Variants in PTPRK observed in about 807,000 individuals in gnomAD.
The protein encoded by PTPRK is protein tyrosine phosphatase receptor type K, also known as receptor-type tyrosine-protein phosphatase kappa.
PTPRK carries 75 observed loss-of-function variants against 178.0 expected under a neutral mutation model. That is an observed-to-expected ratio of 0.42 (90% CI 0.35 to 0.51). The LOEUF (loss-of-function observed/expected upper bound fraction) is 0.51, where lower values mean the gene tolerates loss of function less well. Among genes scored for constraint, PTPRK ranks in the 20% least tolerant of loss-of-function variants. PTPRK has a pLI of 0.02. For synonymous variants in PTPRK, 637 were observed against 620.6 expected, an observed-to-expected ratio of 1.03 and a Z score of -0.39; for missense variants, 1,441 against 1,797.8, an observed-to-expected ratio of 0.80 and a Z score of 3.59.
At position 128,322,228 on chromosome 6, in the gene PTPRK, G is replaced by A; in HGVS notation, c.306C>T (p.Asp102=). 1.2e-6 allele frequency: 2 copies of A among 1,613,564 alleles called. No homozygotes were observed. Among genetic ancestry groups the A allele is most frequent in the Non-Finnish European group, 1.7e-6 (2 of 1,179,568 alleles). The change falls in exon 3 of 30, where the codon GAC becomes GAT. Residue 102 remains aspartate, a synonymous_variant. Coordinates refer to ENST00000368226, the MANE Select transcript of PTPRK (RefSeq NM_002844.4). ...RLQLPTMKEN[D]THCIDFSYLL... is the part of the protein sequence containing the mutation. Reference sequence around the variant, plus strand: ...GGTAACTGAAATCAATGCAGTGAGTGTCGTTCTCCTTCATTGTAGGCAGCT... The same window carrying A: ...GGTAACTGAAATCAATGCAGTGAGTATCGTTCTCCTTCATTGTAGGCAGCT...
At chr6:128,009,057 T>C in intron 14 of PTPRK, 73 bp downstream of exon 14, 1 of 1,390,766 alleles carries the variant, frequency 7.2e-7, no homozygotes, top group Non-Finnish European at 9.7e-7. Context: ...TTAAAGGATC[T>C]TGAGAAAAAC....
chr6:127,994,114 T>C (rs1776889727), intron 18 of PTPRK, among the ~76,000 whole-genome samples: 1 of 151,718 alleles, frequency 6.6e-6, no homozygotes, highest in Non-Finnish European at 1.5e-5. Flanking sequence ...TGATCAGAAA[T>C]TGAACTCATA....
chr6:128,123,001 C>A (rs555171133), intron 7 of PTPRK, among the ~76,000 whole-genome samples: 1 of 152,122 alleles, frequency 6.6e-6, no homozygotes, highest in African/African-American at 2.4e-5. Flanking sequence ...CAGAATGGAA[C>A]TTTATTTGGA....
At chr6:128,422,182 G>T (rs1843557792) in intron 1 of PTPRK, among the ~76,000 whole-genome samples, 1 of 152,110 alleles carries the variant, frequency 6.6e-6, no homozygotes. Context: ...GTTATTTCCG[G>T]AATGAATTTA....
At chr6:128,163,880 T>G (rs1055885214) in intron 7 of PTPRK, among the ~76,000 whole-genome samples, 1 of 151,616 alleles carries the variant, frequency 6.6e-6, no homozygotes, top group East Asian at 1.9e-4. Flanking sequence ...TATTGTAGTT[T>G]GTGGACTATT....
At chr6:128,205,500 A>G (rs1448913538) in intron 6 of PTPRK, among the ~76,000 whole-genome samples, 1 of 152,128 alleles carries the variant, frequency 6.6e-6, no homozygotes, top group East Asian at 1.9e-4. Flanking sequence ...CTATAATCCC[A>G]GCATTTTGGG....
At chr6:127,983,423 T>C (rs1253114615) in intron 22 of PTPRK, 46 bp from the exon 23 acceptor site, 1 of 1,590,934 alleles carries the variant, frequency 6.3e-7, no homozygotes, top group Non-Finnish European at 8.6e-7. Context: ...CATGTTAGTC[T>C]TCATAACCTT....
chr6:128,197,186 T>C (rs531293898), intron 6 of PTPRK, among the ~76,000 whole-genome samples: 6 of 148,770 alleles, frequency 4.0e-5, no homozygotes, highest in African/African-American at 1.5e-4. Flanking sequence ...GTTTTTTTCT[T>C]TTTTTTTTTT....
intron 6 of PTPRK, among the ~76,000 whole-genome samples, chr6:128,206,630 T>C (rs1312914954): frequency 6.6e-6 from 1 of 152,140 alleles, no homozygotes; most frequent in African/African-American, 2.4e-5. Context: ...AAAAGAATTA[T>C]GATACATTTT....
intron 7 of PTPRK, among the ~76,000 whole-genome samples, chr6:128,163,500 A>G (rs1394858716): frequency 6.6e-6 from 1 of 151,444 alleles, no homozygotes; most frequent in Non-Finnish European, 1.5e-5. Flanking sequence ...GGTGGCAGAT[A>G]AAATGGAGAA....
intron 13 of PTPRK, among the ~76,000 whole-genome samples, chr6:128,025,838 T>C (rs534096221): frequency 6.6e-6 from 1 of 152,336 alleles, no homozygotes; most frequent in East Asian, 1.9e-4. Flanking sequence ...TTTGCTCTTA[T>C]AAGAATACAT....
chr6:128,111,209 T>A (rs1790601643), intron 7 of PTPRK, among the ~76,000 whole-genome samples: 1 of 152,212 alleles, frequency 6.6e-6, no homozygotes, highest in Non-Finnish European at 1.5e-5. Context: ...TATCATTATA[T>A]CCTAAGTTAA....
At chr6:128,023,433 A>C (rs1349134831) in intron 13 of PTPRK, among the ~76,000 whole-genome samples, 1 of 150,984 alleles carries the variant, frequency 6.6e-6, no homozygotes, top group Non-Finnish European at 1.5e-5. Context: ...AACTTTCTCA[A>C]CTCTCCTTCT....
intron 6 of PTPRK, among the ~76,000 whole-genome samples, chr6:128,185,177 G>A (rs1211183481): frequency 2.6e-5 from 4 of 152,004 alleles, no homozygotes; most frequent in Admixed American, 2.0e-4. Context: ...TAACATAACC[G>A]AACTCAGAAA....
In PTPRK at chr6:128,140,099, A is replaced by G. The variant is rs1437691921; in HGVS notation, c.1162+44333T>C. 3.9e-5 allele frequency among the ~76,000 whole-genome samples: 6 copies of G among 151,978 alleles called. No individual in the cohort carries two copies. In the East Asian group the frequency reaches 1.2e-3, roughly 29 times the overall value. On this transcript the variant is annotated intron_variant, in intron 7 of 29. Transcript: ENST00000368226. ...TGCATCCAGATACACAAGTTGCAAC[A>G]TTGCTTCCAGACTCCTTAGCACTCA...
intron 7 of PTPRK, among the ~76,000 whole-genome samples, chr6:128,167,806 T>G (rs1414928936): frequency 1.3e-5 from 2 of 152,046 alleles, no homozygotes; most frequent in African/African-American, 4.8e-5. Flanking sequence ...ATGATTCACC[T>G]TCTTAATATT....
chr6:127,995,063 A>C (rs1776989699), intron 18 of PTPRK, among the ~76,000 whole-genome samples: 1 of 152,038 alleles, frequency 6.6e-6, no homozygotes, highest in Admixed American at 6.6e-5. Flanking sequence ...AGAAAAGGGA[A>C]GGTGGTAAAA....
chr6:128,261,929 C>G (rs879492685), intron 3 of PTPRK, among the ~76,000 whole-genome samples: 9 of 151,984 alleles, frequency 5.9e-5, no homozygotes, highest in Non-Finnish European at 1.0e-4. Flanking sequence ...CAAGTTGGGC[C>G]CTTACATGGT....
At chr6:128,357,918 G>A (rs545218072) in intron 2 of PTPRK, among the ~76,000 whole-genome samples, 156 of 152,192 alleles carry the variant, frequency 1.0e-3, no homozygotes, top group South Asian at 2.3e-3. Flanking sequence ...ATGTTATACA[G>A]ACATTACATC....
Sources: gnomAD v4.1 joint callset for allele counts (sites outside exome capture counted in the v4.1 genomes callset) on GRCh38, gnomAD v4.1.1 for gene constraint, MANE v1.5 for transcripts, NCBI Gene and HGNC (gene_info 2026-07-23, HGNC 2026-07-21) for gene names.